Variants in MAP2K6 observed in about 807,000 individuals in gnomAD.
MAP2K6 encodes the protein mitogen-activated protein kinase kinase 6.
In MAP2K6, 16 loss-of-function variants were observed where a neutral mutation model predicts 53.7. That is an observed-to-expected ratio of 0.30 (90% CI 0.20 to 0.45). The LOEUF is 0.45. Ranked by LOEUF, MAP2K6 falls within the 20% of genes least tolerant of loss-of-function variation. The pLI is 1.00. For synonymous variants in MAP2K6, 132 were observed against 143.1 expected, an observed-to-expected ratio of 0.92 and a Z score of 0.55; for missense variants, 204 against 411.9, an observed-to-expected ratio of 0.50 and a Z score of 4.37.
At chr17:69,468,994 C>A (rs961459623) in intron 1 of MAP2K6, among the ~76,000 whole-genome samples, 1 of 152,144 alleles carries the variant, frequency 6.6e-6, no homozygotes, top group Non-Finnish European at 1.5e-5. Flanking sequence ...GAGATGGGAT[C>A]AGAAAAATGG....
At position 69,447,343 on chromosome 17, in the gene MAP2K6, T is replaced by A. The variant is rs187280704; in HGVS notation, c.16+32343T>A. On this transcript the variant is annotated intron_variant, in intron 1 of 11. Coordinates refer to ENST00000590474, the MANE Select transcript of MAP2K6 (RefSeq NM_002758.4). ...AGTAGGTTTGGGAATTGGATTTTTT[T>A]AATGTCATTTTTATATTTTTGAGAT... Among the ~76,000 whole-genome samples the A allele has an allele frequency of 1.7e-3, 255 of 152,196 alleles. 1 individual carries two copies. The highest frequency in any genetic ancestry group is 5.8e-3 in the African/African-American group (241 of 41,518).
At chr17:69,426,065 G>C (rs886226735) in intron 1 of MAP2K6, among the ~76,000 whole-genome samples, 5 of 152,116 alleles carry the variant, frequency 3.3e-5, no homozygotes, top group Admixed American at 2.6e-4. Context: ...TTGTTTGTTT[G>C]TTTGCTTTTT....
rs1368624796 is a variant in MAP2K6, at chr17:69,449,529, T to TTTTC, written c.16+34530_16+34531insTTCT. On this transcript the variant is annotated intron_variant, in intron 1 of 11. Transcript: ENST00000590474. ...TCTTTCTTTCTTTGTCTTTCTTTCT[T>TTTTC]TGTCTTTCTTTCTTTCTTTCTTTCT... 3.5e-3 allele frequency among the ~76,000 whole-genome samples: 359 copies of TTTTC among 101,362 alleles called. 7 individuals are homozygous for TTTTC. The highest frequency in any genetic ancestry group is 0.023 in the Admixed American group (236 of 10,286). The allele number at this position is 101,362 out of a possible 152,430, so 66.5% of individuals were successfully genotyped here.
At chr17:69,418,538 TC>T (rs1384520193) in intron 1 of MAP2K6, among the ~76,000 whole-genome samples, 3 of 150,128 alleles carry the variant, frequency 2.0e-5, no homozygotes, top group African/African-American at 7.4e-5. Context: ...ACTTTTTTTT[TC>T]TATCTATGTG....
chr17:69,499,720 TAAAC>T (rs1909078919), intron 1 of MAP2K6, among the ~76,000 whole-genome samples: 2 of 152,122 alleles, frequency 1.3e-5, no homozygotes, highest in African/African-American at 4.8e-5. Context: ...GAAAGGTAGA[TAAAC>T]AAGTAATAAA....
chr17:69,541,399 G>A (rs760099605), intron 11 of MAP2K6, among the ~76,000 whole-genome samples: 53 of 152,126 alleles, frequency 3.5e-4, no homozygotes, highest in Non-Finnish European at 7.3e-4. Context: ...GTATTTTGCT[G>A]TAGATGAGAC....
At chr17:69,426,649 G>A (rs1449281650) in intron 1 of MAP2K6, among the ~76,000 whole-genome samples, 1 of 152,146 alleles carries the variant, frequency 6.6e-6, no homozygotes, top group Non-Finnish European at 1.5e-5. Flanking sequence ...AGAGAGATCA[G>A]GAAAGTGTTG....
intron 3 of MAP2K6, 104 bp downstream of exon 3, chr17:69,517,007 A>C: frequency 1.1e-6 from 1 of 901,232 alleles, no homozygotes; most frequent in Non-Finnish European, 1.7e-6. Context: ...GGGATGAGTC[A>C]AAAAAAGTTT....
At chr17:69,504,905 A>G (rs984444107) in intron 1 of MAP2K6, among the ~76,000 whole-genome samples, 1 of 152,148 alleles carries the variant, frequency 6.6e-6, no homozygotes, top group Non-Finnish European at 1.5e-5. Context: ...GTATTACTCT[A>G]TCCCTCTCTT....
intron 7 of MAP2K6, 149 bp downstream of exon 7, chr17:69,521,249 A>G: frequency 1.7e-6 from 1 of 597,774 alleles, no homozygotes; most frequent in Non-Finnish European, 3.0e-6. Flanking sequence ...ATTGGATAGC[A>G]AACCATATAA....
chr17:69,526,801 C>CA (rs1910798185), intron 10 of MAP2K6, 92 bp downstream of exon 10: 1 of 1,429,804 alleles, frequency 7.0e-7, no homozygotes, highest in Non-Finnish European at 9.3e-7. Context: ...ATCATGCATA[C>CA]ATTCATTCCG....
intron 2 of MAP2K6, among the ~76,000 whole-genome samples, chr17:69,511,140 G>C (rs980702808): frequency 2.0e-5 from 3 of 152,004 alleles, no homozygotes; most frequent in African/African-American, 4.8e-5. Flanking sequence ...TATAAACAAG[G>C]ATAAAAGCAG....
At chr17:69,435,855 A>G (rs911906444) in intron 1 of MAP2K6, among the ~76,000 whole-genome samples, 2 of 151,840 alleles carry the variant, frequency 1.3e-5, no homozygotes, top group Non-Finnish European at 2.9e-5. Context: ...TTTAGTAGAG[A>G]TGGGGTTTCG....
intron 1 of MAP2K6, among the ~76,000 whole-genome samples, chr17:69,469,790 G>A (rs966870200): frequency 1.2e-4 from 18 of 152,048 alleles, no homozygotes; most frequent in African/African-American, 4.3e-4. Flanking sequence ...TAAATAAAGA[G>A]AAAAGTATCT....
chr17:69,492,319 G>T (rs1361441249), intron 1 of MAP2K6, among the ~76,000 whole-genome samples: 1 of 152,110 alleles, frequency 6.6e-6, no homozygotes, highest in Non-Finnish European at 1.5e-5. Context: ...TCTGGAGTTG[G>T]TTTTCGTATA....
intron 1 of MAP2K6, among the ~76,000 whole-genome samples, chr17:69,464,281 C>A (rs1907724580): frequency 6.6e-6 from 1 of 151,930 alleles, no homozygotes; most frequent in Non-Finnish European, 1.5e-5. Flanking sequence ...TAGTTGATTA[C>A]ATAATTTTCA....
chr17:69,488,454 A>G (rs531784601), intron 1 of MAP2K6, among the ~76,000 whole-genome samples: 39 of 152,356 alleles, frequency 2.6e-4, no homozygotes, highest in Admixed American at 1.8e-3. Context: ...TGTTCTACCA[A>G]AAAGACACAT....
intron 2 of MAP2K6, among the ~76,000 whole-genome samples, chr17:69,514,523 T>C (rs1328108747): frequency 6.6e-6 from 1 of 152,176 alleles, no homozygotes; most frequent in East Asian, 1.9e-4. Context: ...CATTAAAATC[T>C]TAGAGTCATG....
At chr17:69,504,033 G>T (rs747905317) in intron 1 of MAP2K6, among the ~76,000 whole-genome samples, 2 of 152,162 alleles carry the variant, frequency 1.3e-5, no homozygotes, top group African/African-American at 2.4e-5. Flanking sequence ...ATAGTAGAAA[G>T]AACTCCCACC....
Sources: gnomAD v4.1 joint callset for allele counts (sites outside exome capture counted in the v4.1 genomes callset) on GRCh38, gnomAD v4.1.1 for gene constraint, MANE v1.5 for transcripts, NCBI Gene and HGNC (gene_info 2026-07-23, HGNC 2026-07-21) for gene names.